The following CTXND1 variants were observed in gnomAD, a reference collection of about 807,000 sequenced individuals.
CTXND1 encodes cortexin domain containing 1.
At chr15:80,211,041 G>A (rs1893198934) in intron 1 of CTXND1, among the ~76,000 whole-genome samples, 1 of 152,192 alleles carries the variant, frequency 6.6e-6, no homozygotes, top group Admixed American at 6.5e-5. Flanking sequence ...CATGAGTTTG[G>A]AGGAGGAGGG....
intron 1 of CTXND1, among the ~76,000 whole-genome samples, chr15:80,223,280 C>G (rs1192048170): frequency 6.6e-6 from 1 of 152,180 alleles, no homozygotes; most frequent in Non-Finnish European, 1.5e-5. Flanking sequence ...TGGTCTTGAA[C>G]TCCCGACCTC....
At chr15:80,204,170 ATATAT>A (rs1423167264) in intron 1 of CTXND1, among the ~76,000 whole-genome samples, 741 of 39,464 alleles carry the variant, frequency 0.019, 23 homozygotes, top group African/African-American at 0.025. Flanking sequence ...AAAAAAAAAA[ATATAT>A]ATATATATAT....
chr15:80,213,232 T>C (rs1435504078), intron 1 of CTXND1, among the ~76,000 whole-genome samples: 1 of 152,198 alleles, frequency 6.6e-6, no homozygotes, highest in Non-Finnish European at 1.5e-5. Context: ...TGGACTTTAA[T>C]GCTATAATGG....
At chr15:80,206,540 A>G (rs1289669639) in intron 1 of CTXND1, among the ~76,000 whole-genome samples, 1 of 151,970 alleles carries the variant, frequency 6.6e-6, no homozygotes, top group Non-Finnish European at 1.5e-5. Context: ...TTAGTTTATT[A>G]CTGTTTTTTT....
At position 80,203,121 on chromosome 15, in the gene CTXND1, C is replaced by T. The variant is rs143440876; in HGVS notation, c.-66+468G>A. ...GGGAGCTCGAGGAGCTGGCTAGGAG[C>T]GAGCAGGCAGCTCCCCAAGTTCAGC... On this transcript the variant is annotated intron_variant, in intron 2 of 2. Transcript: ENST00000560778. Among the ~76,000 whole-genome samples the T allele has an allele frequency of 7.8e-3, 1,190 of 152,260 alleles. 22 individuals carry two copies. Among genetic ancestry groups the T allele is most frequent in the African/African-American group, 0.027 (1,119 of 41,560 alleles).
chr15:80,204,199 T>TATATATATATAC (rs1267164168), intron 1 of CTXND1, among the ~76,000 whole-genome samples: 24 of 26,766 alleles, frequency 9.0e-4, no homozygotes, highest in African/African-American at 2.1e-3. Context: ...TATATATATA[T>TATATATATATAC]ACACAAACAC....
chr15:80,245,029 T>C (rs1893612721), intron 1 of CTXND1, among the ~76,000 whole-genome samples: 1 of 151,962 alleles, frequency 6.6e-6, no homozygotes, highest in Non-Finnish European at 1.5e-5. Flanking sequence ...TTCTCATGGG[T>C]AAAATAGGGG....
chr15:80,244,879 C>A (rs1264113817), intron 1 of CTXND1, among the ~76,000 whole-genome samples: 1 of 152,170 alleles, frequency 6.6e-6, no homozygotes, highest in Non-Finnish European at 1.5e-5. Context: ...TGCATTCCAA[C>A]AGCCTCCAGT....
chr15:80,232,088 C>T (rs554398016), intron 1 of CTXND1, among the ~76,000 whole-genome samples: 23 of 151,992 alleles, frequency 1.5e-4, no homozygotes, highest in Non-Finnish European at 2.8e-4. Context: ...TGGGCATAAG[C>T]GGAGTGAGGC....
chr15:80,233,869 A>G (rs774054579), intron 1 of CTXND1, among the ~76,000 whole-genome samples: 7 of 152,202 alleles, frequency 4.6e-5, no homozygotes, highest in Non-Finnish European at 7.3e-5. Flanking sequence ...AACAGGACAG[A>G]TGACACGTTG....
intron 1 of CTXND1, among the ~76,000 whole-genome samples, chr15:80,220,165 CTATCTATT>C (rs1279381136): frequency 6.0e-5 from 8 of 132,250 alleles, no homozygotes; most frequent in East Asian, 2.1e-4. Flanking sequence ...ATCTATCTAT[CTATCTATT>C]TATCTATCTA....
chr15:80,243,117 G>A (rs1382506134), intron 1 of CTXND1, among the ~76,000 whole-genome samples: 1 of 152,140 alleles, frequency 6.6e-6, no homozygotes, highest in Non-Finnish European at 1.5e-5. Context: ...CATCTGCCCG[G>A]TTCCCTTGAC....
intron 2 of CTXND1, among the ~76,000 whole-genome samples, chr15:80,202,990 T>A (rs1278931579): frequency 6.6e-6 from 1 of 152,224 alleles, no homozygotes; most frequent in Non-Finnish European, 1.5e-5. Context: ...GGTCCTAATT[T>A]CCTCCCTGCT....
chr15:80,234,948 G>GA (rs1893476315), intron 1 of CTXND1, among the ~76,000 whole-genome samples: 2 of 152,340 alleles, frequency 1.3e-5, no homozygotes, highest in South Asian at 4.1e-4. Context: ...GTGACAGCAA[G>GA]ATGCAGAGAG....
intron 1 of CTXND1, among the ~76,000 whole-genome samples, chr15:80,245,180 G>A (rs1893614927): frequency 2.0e-5 from 3 of 152,108 alleles, no homozygotes; most frequent in Non-Finnish European, 4.4e-5. Context: ...CCCTCTATGG[G>A]CAACAGCTCA....
At chr15:80,211,861 C>T (rs2142125525) in intron 1 of CTXND1, among the ~76,000 whole-genome samples, 1 of 152,324 alleles carries the variant, frequency 6.6e-6, no homozygotes, top group Admixed American at 6.5e-5. Context: ...CTCAGATCTC[C>T]TGGATTCCCT....
chr15:80,206,061 C>A (rs572193019), intron 1 of CTXND1, among the ~76,000 whole-genome samples: 3 of 152,280 alleles, frequency 2.0e-5, no homozygotes, highest in Non-Finnish European at 2.9e-5. Context: ...TATATACTCA[C>A]CACCTAGATT....
In CTXND1 at chr15:80,197,851, A is replaced by T. The variant is rs181745659; in HGVS notation, c.*3919T>A. On this transcript the variant is annotated 3_prime_UTR_variant, in exon 3 of 3. Transcript: ENST00000560778. ...AGCAGGGCCAGCCCCTTTTGGATTG[A>T]TTTAGCCTCTGAAGTTCTGGAAATT... 1.3e-5 allele frequency: 2 copies of T among 152,352 alleles called. No homozygotes were observed. The highest frequency in any genetic ancestry group is 4.8e-5 in the African/African-American group (2 of 41,560). 9.4% of individuals were successfully genotyped at this position (152,352 alleles called of 1,614,324 possible).
intron 1 of CTXND1, among the ~76,000 whole-genome samples, chr15:80,232,309 T>G (rs894712756): frequency 1.3e-5 from 2 of 152,304 alleles, no homozygotes. Context: ...CAGAGTCTCA[T>G]GTATTTAGAG....
Sources: gnomAD v4.1 joint callset for allele counts (sites outside exome capture counted in the v4.1 genomes callset) on GRCh38, gnomAD v4.1.1 for gene constraint, MANE v1.5 for transcripts, NCBI Gene and HGNC (gene_info 2026-07-23, HGNC 2026-07-21) for gene names.